Variants in APOBEC2 observed in about 807,000 individuals in gnomAD.
The protein encoded by APOBEC2 is C->U-editing enzyme APOBEC-2.
A neutral mutation model predicts 19.4 loss-of-function variants in APOBEC2; 14 were observed. The ratio of observed to expected loss-of-function variants is 0.72; its 90% CI spans 0.48 to 1.13. The LOEUF (loss-of-function observed/expected upper bound fraction) is 1.13, where lower values mean the gene tolerates loss of function less well. Among genes scored for constraint, APOBEC2 ranks in the 50% most tolerant of loss-of-function variants. APOBEC2 has a pLI of 0.00. For missense variants in APOBEC2, 304 were observed against 277.0 expected (o/e 1.10, Z -0.69); for synonymous variants, 127 against 112.1 (o/e 1.13, Z -0.84).
Position 41,053,485 on chromosome 6 carries a change from C to T in APOBEC2, c.131+7C>T. ...CCTTTGAGATTGTCACAGGGTAAGC[C>T]TCAGATGTGGGTCAGGGTTCTGCTC... On this transcript the variant is annotated splice_region_variant and intron_variant, in intron 1 of 2. Transcript: ENST00000244669. The T allele has an allele frequency of 6.2e-7, 1 of 1,614,108 alleles. No homozygotes were observed. The highest frequency in any genetic ancestry group is 2.2e-5 in the East Asian group (1 of 44,876).
At chr6:41,054,120 T>C (rs964423441) in intron 1 of APOBEC2, among the ~76,000 whole-genome samples, 1 of 152,102 alleles carries the variant, frequency 6.6e-6, no homozygotes, top group Non-Finnish European at 1.5e-5. Context: ...TGTTCCAACA[T>C]GCTCAGGCAT....
chr6:41,055,524 C>G (rs1485339886), intron 1 of APOBEC2, among the ~76,000 whole-genome samples: 1 of 152,144 alleles, frequency 6.6e-6, no homozygotes, highest in Admixed American at 6.5e-5. Flanking sequence ...CCAGGACTCC[C>G]TCCTGGAGTC....
chr6:41,058,548 G>T (rs1299575325), intron 1 of APOBEC2, among the ~76,000 whole-genome samples: 1 of 152,156 alleles, frequency 6.6e-6, no homozygotes, highest in African/African-American at 2.4e-5. Context: ...TGCTGGTGAT[G>T]ATTTAACAAG....
chr6:41,061,430 C>G lies in APOBEC2; in HGVS notation c.234C>G (p.Gly78=). The change falls in exon 2 of 3, where the codon GGC becomes GGG. Residue 78 remains glycine, a synonymous_variant. Transcript: ENST00000244669. ...TFLCYVVEAQ[G]KGGQVQASRG... ...TCTGCTATGTGGTTGAAGCACAGGG[C>G]AAGGGGGGCCAAGTGCAGGCATCTC... 1 of 1,612,504 alleles carries G rather than the reference C, an allele frequency of 6.2e-7. No homozygotes were observed.
rs777458117 is a variant in APOBEC2 at position 41,061,417 on chromosome 6, T to C, written c.221T>C (p.Val74Ala). 10 of 1,610,574 alleles carry C rather than the reference T, an allele frequency of 6.2e-6. No individual in the cohort carries two copies. The highest frequency in any genetic ancestry group is 5.0e-5 in the Admixed American group (3 of 59,662). The change falls in exon 2 of 3, where the codon GTT (valine) becomes GCT (alanine). Residue 74 changes from valine to alanine, a missense_variant. Physicochemically the swap from Val to Ala is moderately conservative, Grantham distance 64 (BLOSUM62 0). Coordinates refer to ENST00000244669, the MANE Select transcript of APOBEC2 (RefSeq NM_006789.4). ...AACAAGACCTTCCTCTGCTATGTGG[T>C]TGAAGCACAGGGCAAGGGGGGCCAA... Reference protein sequence around the residue: ...GRNKTFLCYVVEAQGKGGQVQ... With the variant: ...GRNKTFLCYVAEAQGKGGQVQ...
Position 41,064,266 on chromosome 6 carries a change from G to C in APOBEC2, c.*187G>C, listed in dbSNP as rs1327035097. Reference sequence around the variant, plus strand: ...TACTTCTCATGCTGTAGTTTATTTAGGCTGTGACTCTCTCTCTAATGCTGC... The same window carrying C: ...TACTTCTCATGCTGTAGTTTATTTACGCTGTGACTCTCTCTCTAATGCTGC... On this transcript the variant is annotated 3_prime_UTR_variant, in exon 3 of 3. Coordinates refer to ENST00000244669, the MANE Select transcript of APOBEC2 (RefSeq NM_006789.4). The C allele has an allele frequency of 6.6e-6, 1 of 152,456 alleles. No homozygotes were observed. Among genetic ancestry groups the C allele is most frequent in the Non-Finnish European group, 1.5e-5 (1 of 68,002 alleles). 9.4% of individuals were successfully genotyped at this position (152,456 alleles called of 1,614,324 possible).
intron 1 of APOBEC2, among the ~76,000 whole-genome samples, chr6:41,059,757 C>T (rs974198445): frequency 1.3e-5 from 2 of 152,090 alleles, no homozygotes; most frequent in African/African-American, 4.8e-5. Context: ...GTCAAGTTTA[C>T]TCATATCTTT....
chr6:41,055,216 C>A (rs1762779519), intron 1 of APOBEC2, among the ~76,000 whole-genome samples: 1 of 152,194 alleles, frequency 6.6e-6, no homozygotes, highest in Admixed American at 6.5e-5. Flanking sequence ...GTTTCTTATT[C>A]ATTCTGGATC....
chr6:41,061,876 A>G lies in APOBEC2; in HGVS notation c.*5A>G, dbSNP rs1762882689. 6.2e-7 allele frequency: 1 copy of G among 1,610,128 alleles called. No individual in the cohort carries two copies. The highest frequency in any genetic ancestry group is 1.3e-5 in the African/African-American group (1 of 74,922). ...TTGGCAGACATCCTGAAGTAGGGCA[A>G]CTGGGCTTTGCCTCACGTGAGTTTT... On this transcript the variant is annotated 3_prime_UTR_variant, in exon 2 of 3. Coordinates refer to ENST00000244669, the MANE Select transcript of APOBEC2 (RefSeq NM_006789.4).
At chr6:41,056,749 T>C (rs913534585) in intron 1 of APOBEC2, among the ~76,000 whole-genome samples, 5 of 152,230 alleles carry the variant, frequency 3.3e-5, no homozygotes. Context: ...ACGTATTTGT[T>C]GAATAAATGA....
At position 41,053,379 on chromosome 6, in the gene APOBEC2, C is replaced by T. The variant is rs1561836110; in HGVS notation, c.32C>T (p.Thr11Ile). ...CAGAAGGAAGAGGCTGCTGTGGCCA[C>T]TGAGGCTGCCTCCCAGAATGGGGAG... is the stretch of plus-strand genomic sequence containing the variant. MAQKEEAAVATEAASQNGEDL... is the reference protein window; with the variant it reads MAQKEEAAVAIEAASQNGEDL... The change falls in exon 1 of 3, where the codon ACT (threonine) becomes ATT (isoleucine). Residue 11 changes from threonine (T) to isoleucine (I), a missense_variant. Physicochemically the swap from Thr to Ile is moderately conservative, Grantham distance 89. Coordinates refer to ENST00000244669, the MANE Select transcript of APOBEC2 (RefSeq NM_006789.4). The T allele has an allele frequency of 5.6e-6, 9 of 1,613,882 alleles. No individual in the cohort carries two copies. Among genetic ancestry groups the T allele is most frequent in the Non-Finnish European group, 6.8e-6 (8 of 1,180,032 alleles).
At chr6:41,059,358 C>T (rs747668359) in intron 1 of APOBEC2, among the ~76,000 whole-genome samples, 119 of 152,106 alleles carry the variant, frequency 7.8e-4, no homozygotes, top group South Asian at 1.5e-3. Flanking sequence ...TGGGCAGGAA[C>T]GGTAAGCTCT....
intron 2 of APOBEC2, among the ~76,000 whole-genome samples, chr6:41,063,676 A>AC (rs59897490): frequency 4.2e-4 from 63 of 150,214 alleles, no homozygotes; most frequent in African/African-American, 1.5e-3. Context: ...AAAAAAAAAA[A>AC]CTGGCATGAG....
chr6:41,061,661 C>T lies in APOBEC2; in HGVS notation c.465C>T (p.Phe155=), dbSNP rs1426342577. Residue 155 remains phenylalanine (F), a synonymous_variant, in exon 2 of 3, where the codon TTC becomes TTT. Transcript: ENST00000244669. ...TGCTCATTCTGGTGGGTCGACTCTT[C>T]ATGTGGGAGGAGCCGGAGATCCAGG... ...LRLLILVGRL[F]MWEEPEIQAA... is the part of the protein sequence containing the mutation. 1 of 1,614,238 alleles carries T rather than the reference C, an allele frequency of 6.2e-7. No individual in the cohort carries two copies. Among genetic ancestry groups the T allele is most frequent in the Non-Finnish European group, 8.5e-7 (1 of 1,180,032 alleles).
chr6:41,055,044 G>A (rs532791138), intron 1 of APOBEC2, among the ~76,000 whole-genome samples: 2 of 152,278 alleles, frequency 1.3e-5, no homozygotes, highest in East Asian at 3.9e-4. Flanking sequence ...TCATGAACAT[G>A]AGACCATTCA....
intron 1 of APOBEC2, among the ~76,000 whole-genome samples, chr6:41,059,051 G>A (rs1762840259): frequency 6.6e-6 from 1 of 152,162 alleles, no homozygotes; most frequent in Admixed American, 6.5e-5. Flanking sequence ...TAGGGAAGAG[G>A]AGGAGGGGAA....
chr6:41,054,109 C>A (rs1390548209), intron 1 of APOBEC2, among the ~76,000 whole-genome samples: 1 of 152,176 alleles, frequency 6.6e-6, no homozygotes, highest in Non-Finnish European at 1.5e-5. Context: ...GACACAGGAG[C>A]TGTTCCAACA....
intron 1 of APOBEC2, among the ~76,000 whole-genome samples, chr6:41,054,555 T>C (rs1762771396): frequency 6.6e-6 from 1 of 152,244 alleles, no homozygotes; most frequent in African/African-American, 2.4e-5. Flanking sequence ...TCTATAGTAG[T>C]AAGGTCCCTT....
chr6:41,055,657 G>A (rs1424628193), intron 1 of APOBEC2, among the ~76,000 whole-genome samples: 4 of 152,222 alleles, frequency 2.6e-5, no homozygotes, highest in Non-Finnish European at 5.9e-5. Context: ...AGTCCGACAT[G>A]AGGAGGGTAG....
Sources: allele counts gnomAD v4.1 joint callset (sites outside exome capture counted in the v4.1 genomes callset), GRCh38; gene constraint gnomAD v4.1.1; transcripts MANE v1.5; gene names NCBI Gene and HGNC (gene_info 2026-07-23, HGNC 2026-07-21).